USP34: variants seen among roughly 807,000 people sequenced by gnomAD.
The protein encoded by USP34 is ubiquitin carboxyl-terminal hydrolase 34.
In USP34, 70 loss-of-function variants were observed where a neutral mutation model predicts 460.3. The observed-to-expected ratio is 0.15, with a 90% CI of 0.13 to 0.19. USP34 has a LOEUF of 0.19. Among genes scored for constraint, USP34 ranks in the 10% least tolerant of loss-of-function variants. The probability of loss-of-function intolerance (pLI) is 1.00; values close to 1 mark genes in which losing one functional copy is unlikely to be tolerated. For synonymous variants in USP34, 1,647 were observed against 1,405.3 expected, an observed-to-expected ratio of 1.17 and a Z score of -3.85; for missense variants, 3,985 against 4,236.2, an observed-to-expected ratio of 0.94 and a Z score of 1.65.
rs1379166589 is a variant in USP34 at position 61,364,822 on chromosome 2, C to T, written c.1251+5499G>A. ...GCGCACGTCTGTAATCCCAGCTACT[C>T]GGGAGGCTAAGGTAGAAGTATTGCT... is the stretch of plus-strand genomic sequence containing the variant. On this transcript the variant is annotated intron_variant, in intron 10 of 79. Coordinates refer to ENST00000398571, the MANE Select transcript of USP34 (RefSeq NM_014709.4). 3.9e-5 allele frequency among the ~76,000 whole-genome samples: 6 copies of T among 151,982 alleles called. No homozygotes were observed. The South Asian group carries it at 6.2e-4, about 16-fold the overall frequency.
chr2:61,262,946 A>AT (rs1169875491), intron 43 of USP34, among the ~76,000 whole-genome samples: 1 of 151,372 alleles, frequency 6.6e-6, no homozygotes, highest in Non-Finnish European at 1.5e-5. Flanking sequence ...AATACTGAGC[A>AT]TTTTTTCATA....
At chr2:61,242,833 A>C (rs2103861144) in intron 51 of USP34, among the ~76,000 whole-genome samples, 1 of 152,278 alleles carries the variant, frequency 6.6e-6, no homozygotes, top group South Asian at 2.1e-4. Context: ...AGACATTTTA[A>C]AACACAAAGA....
At chr2:61,403,959 C>G (rs759738205) in intron 3 of USP34, among the ~76,000 whole-genome samples, 6 of 136,266 alleles carry the variant, frequency 4.4e-5, no homozygotes, top group Non-Finnish European at 9.2e-5. Context: ...CACCACTGCA[C>G]TCCAGCCTGG....
Position 61,350,391 on chromosome 2 carries a change from T to TA in USP34, c.1378-3dup, listed in dbSNP as rs745413034. ...TAACATGGATGCCAAGTACAGTGTC[T>TA]AAAAAAAAGAGGGAGAGATTTCAGT... On this transcript the variant is annotated splice_polypyrimidine_tract_variant and splice_region_variant and intron_variant, in intron 11 of 79. Coordinates refer to ENST00000398571, the MANE Select transcript of USP34 (RefSeq NM_014709.4). 5.8e-5 allele frequency: 92 copies of TA among 1,598,402 alleles called. No homozygotes were observed. The highest frequency in any genetic ancestry group is 7.1e-5 in the Admixed American group (4 of 56,386).
rs147657977 is a variant in USP34, at chr2:61,386,168, C to T, written c.754-2832G>A. On this transcript the variant is annotated intron_variant, in intron 5 of 79. Transcript: ENST00000398571. ...CCAAACCCATGCACATAAAAACATC[C>T]GATTTGGCTCATTGTAGTGATGAGG... is the stretch of plus-strand genomic sequence containing the variant. Among the ~76,000 whole-genome samples, 118 of 152,118 alleles carry T rather than the reference C, an allele frequency of 7.8e-4. 1 individual carries two copies. The highest frequency in any genetic ancestry group is 2.5e-3 in the African/African-American group (105 of 41,492).
At chr2:61,462,549 CAAAA>C (rs112630836) in intron 1 of USP34, among the ~76,000 whole-genome samples, 1 of 104,326 alleles carries the variant, frequency 9.6e-6, no homozygotes, top group Non-Finnish European at 2.1e-5. Context: ...ACTCCGTCTC[CAAAA>C]AAAAAAAAAA....
At chr2:61,352,531 T>C (rs893275848) in intron 10 of USP34, among the ~76,000 whole-genome samples, 3 of 151,964 alleles carry the variant, frequency 2.0e-5, no homozygotes, top group African/African-American at 7.2e-5. Flanking sequence ...CTCATGATAT[T>C]GCCCAGTCTA....
chr2:61,234,037 G>T (rs76082459), intron 57 of USP34, among the ~76,000 whole-genome samples: 9,241 of 152,174 alleles, frequency 0.061, 375 homozygotes, highest in Non-Finnish European at 0.094. Context: ...GGGGATAGAT[G>T]AAACAAGAAA....
At chr2:61,443,832 G>A (rs941445156) in intron 1 of USP34, among the ~76,000 whole-genome samples, 5 of 152,170 alleles carry the variant, frequency 3.3e-5, no homozygotes, top group African/African-American at 9.7e-5. Flanking sequence ...TGTTAACGTA[G>A]ATTCACCAAG....
chr2:61,340,340 A>G (rs1040911977), intron 16 of USP34, among the ~76,000 whole-genome samples: 2 of 152,322 alleles, frequency 1.3e-5, no homozygotes, highest in East Asian at 1.9e-4. Flanking sequence ...TTCTAGTTTT[A>G]CGCTATTATT....
At position 61,303,461 on chromosome 2, in the gene USP34, C is replaced by T. The variant is rs1023073933; in HGVS notation, c.3818-2007G>A. ...AAATTATAACTGAATAATCTAATAG[C>T]GATACCATTTTATAGTGTATTTTAC... On this transcript the variant is annotated intron_variant, in intron 27 of 79. Coordinates refer to ENST00000398571, the MANE Select transcript of USP34 (RefSeq NM_014709.4). 4.6e-5 allele frequency among the ~76,000 whole-genome samples: 7 copies of T among 152,026 alleles called. No individual in the cohort carries two copies. The South Asian group carries it at 6.2e-4, about 14-fold the overall frequency.
intron 2 of USP34, among the ~76,000 whole-genome samples, chr2:61,419,843 C>G (rs1183658131): frequency 1.3e-5 from 2 of 152,130 alleles, no homozygotes; most frequent in Admixed American, 6.5e-5. Context: ...CCTAATGCAA[C>G]AGCAACCACT....
chr2:61,252,261 G>A (rs531330714), intron 48 of USP34, among the ~76,000 whole-genome samples: 3 of 152,252 alleles, frequency 2.0e-5, no homozygotes, highest in Non-Finnish European at 4.4e-5. Context: ...CCCTATATAA[G>A]TTACTTAACC....
intron 10 of USP34, among the ~76,000 whole-genome samples, chr2:61,368,011 A>G (rs1692490442): frequency 6.6e-6 from 1 of 152,336 alleles, no homozygotes; most frequent in South Asian, 2.1e-4. Flanking sequence ...AATTAGTATA[A>G]ACTCGATGAA....
At position 61,405,704 on chromosome 2, in the gene USP34, A is replaced by G. The variant is rs759332867; in HGVS notation, c.552+4T>C. On this transcript the variant is annotated splice_donor_region_variant and intron_variant, in intron 3 of 79. Transcript: ENST00000398571. ...TTAAAATTCACACCACCTATTTTAC[A>G]TACCTCAATAGTAGGGTGAGTATTA... 2.0e-6 allele frequency: 3 copies of G among 1,520,234 alleles called. No homozygotes were observed. The Admixed American group carries it at 7.0e-5, about 35-fold the overall frequency. The allele number at this position is 1,520,234 out of a possible 1,614,324, so 94.2% of individuals were successfully genotyped here.
At chr2:61,345,929 T>C (rs1235447336) in intron 15 of USP34, among the ~76,000 whole-genome samples, 1 of 152,104 alleles carries the variant, frequency 6.6e-6, no homozygotes, top group Non-Finnish European at 1.5e-5. Flanking sequence ...ATTTTATAGA[T>C]TGAAAAAATG....
intron 64 of USP34, 127 bp downstream of exon 64, chr2:61,222,933 G>C: frequency 1.2e-6 from 1 of 844,314 alleles, no homozygotes; most frequent in South Asian, 1.8e-5. Flanking sequence ...CTAGGCTCAA[G>C]CGATCCTCCC....
At chr2:61,326,383 C>T (rs528227693) in intron 20 of USP34, among the ~76,000 whole-genome samples, 2 of 152,100 alleles carry the variant, frequency 1.3e-5, no homozygotes, top group South Asian at 2.1e-4. Flanking sequence ...CCACCACACC[C>T]GGCTAATTTT....
intron 75 of USP34, chr2:61,200,456 T>C (rs910098464): frequency 1.3e-5 from 2 of 152,346 alleles, no homozygotes; most frequent in African/African-American, 4.8e-5. Context: ...GCAACTCTAC[T>C]GTTCTCTGCA....
Sources: allele counts gnomAD v4.1 joint callset (sites outside exome capture counted in the v4.1 genomes callset), GRCh38; gene constraint gnomAD v4.1.1; transcripts MANE v1.5; gene names NCBI Gene and HGNC (gene_info 2026-07-23, HGNC 2026-07-21).